The following DIP2C variants were observed in gnomAD, a reference collection of about 807,000 sequenced individuals.
DIP2C encodes disco-interacting protein 2 homolog C.
Under a neutral mutation model 192.4 loss-of-function variants are expected in DIP2C, and 33 were observed. The ratio of observed to expected loss-of-function variants is 0.17; its 90% CI spans 0.13 to 0.23. The LOEUF (loss-of-function observed/expected upper bound fraction) is 0.23, where lower values mean the gene tolerates loss of function less well. Among genes scored for constraint, DIP2C ranks in the 10% least tolerant of loss-of-function variants. DIP2C has a pLI of 1.00. For synonymous variants in DIP2C, 979 were observed against 864.1 expected (o/e 1.13, Z -2.33); for missense variants, 1,537 against 2,110.1 (o/e 0.73, Z 5.32).
At position 441,052 on chromosome 10, in the gene DIP2C, CT is replaced by C. The variant is rs1382817479; in HGVS notation, c.269-57del. The C allele has an allele frequency of 3.2e-6, 5 of 1,563,898 alleles. No individual in the cohort carries two copies. In the Admixed American group the frequency reaches 9.1e-5, roughly 28 times the overall value. On this transcript the variant is annotated intron_variant, in intron 3 of 36. Coordinates refer to ENST00000280886, the MANE Select transcript of DIP2C (RefSeq NM_014974.3). Reference sequence around the variant, plus strand: ...CTCAGCTGAGGTCCCAGAGGCCAAGCTGCACCCTCCTCTCTGTCCCTGCAGC... The same window carrying C: ...CTCAGCTGAGGTCCCAGAGGCCAAGCGCACCCTCCTCTCTGTCCCTGCAGC...
intron 1 of DIP2C, among the ~76,000 whole-genome samples, chr10:606,864 C>T (rs1852524157): frequency 6.6e-6 from 1 of 152,108 alleles, no homozygotes; most frequent in African/African-American, 2.4e-5. Flanking sequence ...CCACAGCTTC[C>T]GTGTGGCGTG....
chr10:493,584 G>A (rs142685819), intron 1 of DIP2C, among the ~76,000 whole-genome samples: 4 of 152,132 alleles, frequency 2.6e-5, no homozygotes, highest in East Asian at 1.9e-4. Flanking sequence ...TCAGATGGCC[G>A]CCGTGGGCCT....
chr10:307,014 G>A (rs1956354794), intron 32 of DIP2C, among the ~76,000 whole-genome samples: 1 of 152,170 alleles, frequency 6.6e-6, no homozygotes, highest in East Asian at 1.9e-4. Context: ...TGCTCTACCA[G>A]CTCCCGGGAG....
chr10:533,876 A>T (rs1847551325), intron 1 of DIP2C, among the ~76,000 whole-genome samples: 1 of 152,110 alleles, frequency 6.6e-6, no homozygotes, highest in Non-Finnish European at 1.5e-5. Flanking sequence ...ATGGGCTGAG[A>T]ACTGTCTCAG....
intron 7 of DIP2C, among the ~76,000 whole-genome samples, chr10:414,852 T>TTGTGTGTGTGTGTG (rs748231177): frequency 1.2e-4 from 12 of 98,868 alleles, no homozygotes; most frequent in Admixed American, 2.5e-4. Flanking sequence ...ACATATATAT[T>TTGTGTGTGTGTGTG]TGTGTGTGTG....
In DIP2C at chr10:519,608, G is replaced by C. The variant is rs575823796; in HGVS notation, c.86-33078C>G. The stretch of plus-strand genomic sequence containing the variant: ...AAGAGGGCCGTTTCAGATGCACAGT[G>C]GGTGCAGCCTTGCCAAGGGGCCCAG... On this transcript the variant is annotated intron_variant, in intron 1 of 36. Coordinates refer to ENST00000280886, the MANE Select transcript of DIP2C (RefSeq NM_014974.3). Among the ~76,000 whole-genome samples the C allele has an allele frequency of 5.3e-5, 8 of 152,322 alleles. No individual in the cohort carries two copies. In the East Asian group the frequency reaches 1.2e-3, roughly 22 times the overall value.
intron 6 of DIP2C, among the ~76,000 whole-genome samples, chr10:417,568 G>A (rs1363407211): frequency 1.3e-5 from 2 of 152,132 alleles, no homozygotes; most frequent in African/African-American, 4.8e-5. Context: ...TGCCTCACGT[G>A]AGGATGTGGC....
chr10:338,224 G>A lies in DIP2C; in HGVS notation c.3584+2975C>T, dbSNP rs551500653. 7.0e-4 allele frequency among the ~76,000 whole-genome samples: 107 copies of A among 152,352 alleles called. 2 individuals are homozygous for A. Among genetic ancestry groups the A allele is most frequent in the South Asian group, 5.6e-3 (27 of 4,832 alleles). On this transcript the variant is annotated intron_variant, in intron 29 of 36. Coordinates refer to ENST00000280886, the MANE Select transcript of DIP2C (RefSeq NM_014974.3). ...TTAAGGTTAAAAAGTTACAGTAAGCGAAGGTTAATTTATTACTGAAGAACT... is the reference window on the plus strand; with the variant it reads ...TTAAGGTTAAAAAGTTACAGTAAGCAAAGGTTAATTTATTACTGAAGAACT...
intron 3 of DIP2C, among the ~76,000 whole-genome samples, chr10:468,294 A>T (rs1437261157): frequency 6.6e-6 from 1 of 152,192 alleles, no homozygotes; most frequent in East Asian, 1.9e-4. Context: ...AAGAATAAGG[A>T]AACCCAGTAA....
At chr10:617,023 A>G (rs1853515461) in intron 1 of DIP2C, among the ~76,000 whole-genome samples, 1 of 152,118 alleles carries the variant, frequency 6.6e-6, no homozygotes, top group Non-Finnish European at 1.5e-5. Context: ...TTTCACATAA[A>G]ATGCGTAGCA....
At chr10:657,108 CCCGGACCTGCCG>C (rs1390315307) in intron 1 of DIP2C, among the ~76,000 whole-genome samples, 120 of 150,018 alleles carry the variant, frequency 8.0e-4, no homozygotes, top group African/African-American at 1.7e-3. Flanking sequence ...TGGACCTGCC[CCCGGACCTGCCG>C]CTGGACCTGC....
intron 1 of DIP2C, among the ~76,000 whole-genome samples, chr10:569,459 C>T (rs1849648352): frequency 2.0e-5 from 3 of 152,130 alleles, no homozygotes; most frequent in South Asian, 2.1e-4. Flanking sequence ...AACAGAATAA[C>T]GAATTGGCAT....
chr10:617,519 G>A (rs773019671), intron 1 of DIP2C, among the ~76,000 whole-genome samples: 5 of 152,112 alleles, frequency 3.3e-5, no homozygotes, highest in Admixed American at 6.5e-5. Flanking sequence ...TGCCACCAGG[G>A]CCAACTCCCA....
intron 1 of DIP2C, among the ~76,000 whole-genome samples, chr10:545,385 A>AC (rs1356203307): frequency 6.6e-6 from 1 of 151,804 alleles, no homozygotes; most frequent in African/African-American, 2.4e-5. Context: ...GTAACTCCTG[A>AC]CCTCAGGTGA....
At chr10:678,523 C>T (rs1030434375) in intron 1 of DIP2C, among the ~76,000 whole-genome samples, 1 of 151,894 alleles carries the variant, frequency 6.6e-6, no homozygotes, top group Non-Finnish European at 1.5e-5. Context: ...GCTCCCCACA[C>T]CCGTGCTCCC....
intron 1 of DIP2C, chr10:665,415 G>C (rs1273192234): frequency 1.3e-5 from 2 of 152,056 alleles, no homozygotes; most frequent in African/African-American, 4.8e-5. Context: ...TAAAGAAAAA[G>C]TTTTAATTGT....
intron 1 of DIP2C, among the ~76,000 whole-genome samples, chr10:570,344 C>T (rs1211334032): frequency 6.6e-6 from 1 of 152,200 alleles, no homozygotes; most frequent in African/African-American, 2.4e-5. Flanking sequence ...GCCCTGCTGA[C>T]ACAGGAGCAA....
intron 5 of DIP2C, among the ~76,000 whole-genome samples, chr10:421,988 G>A (rs1348324967): frequency 6.6e-6 from 1 of 152,140 alleles, no homozygotes; most frequent in Non-Finnish European, 1.5e-5. Flanking sequence ...GGGGTTCTGG[G>A]GTGTCTGTGG....
At chr10:392,001 G>A (rs1963499789) in intron 10 of DIP2C, among the ~76,000 whole-genome samples, 1 of 152,136 alleles carries the variant, frequency 6.6e-6, no homozygotes. Context: ...ACAGCCAAAT[G>A]AGCCAACCAG....
Sources: allele counts gnomAD v4.1 joint callset (sites outside exome capture counted in the v4.1 genomes callset), GRCh38; gene constraint gnomAD v4.1.1; transcripts MANE v1.5; gene names NCBI Gene and HGNC (gene_info 2026-07-23, HGNC 2026-07-21).